TTLL4: variants seen among roughly 807,000 people sequenced by gnomAD.
The protein encoded by TTLL4 is tubulin monoglutamylase TTLL4.
A neutral mutation model predicts 122.7 loss-of-function variants in TTLL4; 85 were observed. That is an observed-to-expected ratio of 0.69 (90% confidence interval 0.58 to 0.83). The LOEUF (loss-of-function observed/expected upper bound fraction) is 0.83, where lower values mean the gene tolerates loss of function less well. Ranked by LOEUF, TTLL4 falls within the 40% of genes least tolerant of loss-of-function variation. The pLI, the probability that TTLL4 is intolerant of heterozygous loss-of-function variation, is 0.00. For synonymous variants in TTLL4, 553 were observed against 563.0 expected (o/e 0.98, Z 0.25); for missense variants, 1,363 against 1,488.6 (o/e 0.92, Z 1.39).
intron 2 of TTLL4, among the ~76,000 whole-genome samples, chr2:218,734,034 A>G (rs1005356641): frequency 6.6e-6 from 1 of 152,220 alleles, no homozygotes; most frequent in African/African-American, 2.4e-5. Flanking sequence ...CTGGTACCTA[A>G]AGATTAAAGA....
At position 218,737,730 on chromosome 2, in the gene TTLL4, C is replaced by T. The variant is rs771930908; in HGVS notation, c.54C>T (p.Ser18=). Residue 18 remains serine, a synonymous_variant, in exon 3 of 20, where the codon AGC becomes AGT. Transcript: ENST00000392102. ...GTATTGGCCTCCGCCAGAAAAACAG[C>T]TTCAAGCAGAGTGGTCCCTCAGGCA... ...HYSIGLRQKN[S]FKQSGPSGTV... 3 of 1,613,820 alleles carry T rather than the reference C, an allele frequency of 1.9e-6. No homozygotes were observed. The highest frequency in any genetic ancestry group is 3.3e-5 in the Admixed American group (2 of 59,996).
At position 218,714,740 on chromosome 2, in the gene TTLL4, G is replaced by GAT. The variant is rs141755991; in HGVS notation, c.-178+3718_-178+3719dup. ...TGGAATCTTCAGTTAAAAAAAAAGG[G>GAT]ATATATATATATATATTTCAATATT... On this transcript the variant is annotated intron_variant, in intron 1 of 19. Transcript: ENST00000392102. Among the ~76,000 whole-genome samples, 698 of 149,304 alleles carry GAT rather than the reference G, an allele frequency of 4.7e-3. 5 individuals are homozygous for GAT. The highest frequency in any genetic ancestry group is 0.014 in the African/African-American group (578 of 40,698).
chr2:218,753,636 A>T lies in TTLL4; in HGVS notation c.3311A>T (p.Asn1104Ile). The T allele has an allele frequency of 2.5e-6, 4 of 1,614,144 alleles. No individual in the cohort carries two copies. The highest frequency in any genetic ancestry group is 3.4e-6 in the Non-Finnish European group (4 of 1,180,036). The change falls in exon 19 of 20, where the codon AAT (asparagine) becomes ATT (isoleucine). Residue 1104 changes from asparagine (N) to isoleucine (I), a missense_variant. Asn to Ile is a moderately radical substitution (Grantham distance 149, BLOSUM62 -3). Transcript: ENST00000392102. ...ATCTCAAAGGATGACGTGATACTCA[A>T]TGCCTTCAGCAAATCAGAGACTAGC... ...LTISKDDVIL[N>I]AFSKSETSKL... is the part of the protein sequence containing the mutation.
intron 2 of TTLL4, among the ~76,000 whole-genome samples, chr2:218,730,336 A>AG (rs1942339755): frequency 6.9e-6 from 1 of 144,256 alleles, no homozygotes; most frequent in African/African-American, 2.6e-5. Flanking sequence ...AAAAAAAAAA[A>AG]AAAAAAAAAA....
chr2:218,743,735 A>G (rs1942765903), intron 5 of TTLL4, among the ~76,000 whole-genome samples: 1 of 152,164 alleles, frequency 6.6e-6, no homozygotes, highest in Non-Finnish European at 1.5e-5. Context: ...GCCGGAGTGC[A>G]ATGGCGTGAT....
chr2:218,749,479 T>C lies in TTLL4; in HGVS notation c.2735+92T>C, dbSNP rs2106457468. On this transcript the variant is annotated intron_variant, in intron 14 of 19. Coordinates refer to ENST00000392102, the MANE Select transcript of TTLL4 (RefSeq NM_014640.5). Reference sequence around the variant, plus strand: ...CCAGTAAGTTGTTCTTTTTTTTTTTTTTTCTTTGAGATGGAGTCTCGCTCT... The same window carrying C: ...CCAGTAAGTTGTTCTTTTTTTTTTTCTTTCTTTGAGATGGAGTCTCGCTCT... 3.9e-6 allele frequency: 6 copies of C among 1,528,148 alleles called. No homozygotes were observed. In the African/African-American group the frequency reaches 7.0e-5, roughly 18 times the overall value. 94.7% of individuals were successfully genotyped at this position (1,528,148 alleles called of 1,614,324 possible).
Position 218,747,100 on chromosome 2 carries a change from GT to G in TTLL4, c.2075del (p.Phe692SerfsTer29). 1 of 1,614,214 alleles carries G rather than the reference GT, an allele frequency of 6.2e-7. No homozygotes were observed. Among genetic ancestry groups the G allele is most frequent in the Non-Finnish European group, 8.5e-7 (1 of 1,180,038 alleles). On this transcript the variant is annotated frameshift_variant, in exon 9 of 20. Coordinates refer to ENST00000392102, the MANE Select transcript of TTLL4 (RefSeq NM_014640.5). LOFTEE classifies it high-confidence loss of function. The surrounding 1 kb of genome is among the most constrained non-coding windows in gnomAD (Gnocchi z 4.7). ...AGCCGCTTTGGCAAGAAGGAGTTCA[GT>G]TTCTTCCCCCAGTCCTTTATCCTGC... is the stretch of plus-strand genomic sequence containing the variant. ...MQSRFGKKEF[S>X]FFPQSFILPQ...
chr2:218,746,918 G>A, intron 8 of TTLL4, 85 bp from the exon 9 acceptor site: 1 of 1,454,862 alleles, frequency 6.9e-7, no homozygotes, highest in African/African-American at 1.4e-5. Flanking sequence ...TGCTAAAGAA[G>A]TTGGAATGGT....
In TTLL4 at chr2:218,730,507, C is replaced by T. The variant is rs150861328; in HGVS notation, c.-99+3160C>T. ...TGGGCAACAGAGCGAGACGCTGTCTCAAAGTAAATAAATAAATAAATAAAT... is the reference window on the plus strand; with the variant it reads ...TGGGCAACAGAGCGAGACGCTGTCTTAAAGTAAATAAATAAATAAATAAAT... On this transcript the variant is annotated intron_variant, in intron 2 of 19. Coordinates refer to ENST00000392102, the MANE Select transcript of TTLL4 (RefSeq NM_014640.5). 3.2e-3 allele frequency among the ~76,000 whole-genome samples: 479 copies of T among 151,284 alleles called. 1 individual carries two copies. Among genetic ancestry groups the T allele is most frequent in the African/African-American group, 0.011 (458 of 41,290 alleles).
At chr2:218,757,226 A>G (rs938581417), downstream of TTLL4, among the ~76,000 whole-genome samples, 1 of 152,192 alleles carries the variant, frequency 6.6e-6, no homozygotes, top group Non-Finnish European at 1.5e-5. Flanking sequence ...CCTCTCCTCC[A>G]GGAGGTGGAG....
Position 218,747,230 on chromosome 2 carries a change from G to T in TTLL4, c.2166+36G>T, listed in dbSNP as rs1490254448. 1.9e-6 allele frequency: 3 copies of T among 1,614,180 alleles called. No individual in the cohort carries two copies. Among genetic ancestry groups the T allele is most frequent in the African/African-American group, 2.7e-5 (2 of 75,066 alleles). On this transcript the variant is annotated intron_variant, in intron 9 of 19. Transcript: ENST00000392102. This position sits in a 1 kb window ranked among gnomAD's most constrained non-coding sequence, Gnocchi z 4.7. ...CACAGTGGGCAGGAGACTATGGTCTGTGAGTGGGAACAACAGAGTATTGGA... is the reference window on the plus strand; with the variant it reads ...CACAGTGGGCAGGAGACTATGGTCTTTGAGTGGGAACAACAGAGTATTGGA...
chr2:218,748,740 G>T, intron 12 of TTLL4, 96 bp from the exon 13 acceptor site: 23 of 954,410 alleles, frequency 2.4e-5, no homozygotes, highest in East Asian at 1.6e-4. Context: ...GAAGAGATAT[G>T]AAGAAAATAC....
Position 218,753,125 on chromosome 2 carries a change from G to A in TTLL4, c.3198G>A (p.Leu1066=), listed in dbSNP as rs1479244283. 1 of 1,613,756 alleles carries A rather than the reference G, an allele frequency of 6.2e-7. No homozygotes were observed. Among genetic ancestry groups the A allele is most frequent in the African/African-American group, 1.3e-5 (1 of 74,858 alleles). Residue 1066 remains leucine, a synonymous_variant, in exon 18 of 20, where the codon CTG becomes CTA. Coordinates refer to ENST00000392102, the MANE Select transcript of TTLL4 (RefSeq NM_014640.5). The part of the protein sequence containing the change: ...YHGNKLKGVD[L]LRSWCYKGFH... ...CTAATCTTGTCCTAGGAGTAGATCT[G>A]CTCCGGAGTTGGTGCTACAAAGGGT...
At chr2:218,749,005 C>T in intron 13 of TTLL4, 71 bp downstream of exon 13, 2 of 1,513,678 alleles carry the variant, frequency 1.3e-6, no homozygotes, top group Non-Finnish European at 9.1e-7. Flanking sequence ...CCTCACACTG[C>T]TGTGCTCTGG....
intron 2 of TTLL4, among the ~76,000 whole-genome samples, chr2:218,731,832 C>G (rs899334881): frequency 6.6e-6 from 1 of 152,180 alleles, no homozygotes; most frequent in African/African-American, 2.4e-5. Flanking sequence ...CTCATGCAGC[C>G]TGGCTGTGAG....
At chr2:218,745,056 T>C (rs1942802818) in intron 5 of TTLL4, 53 bp from the exon 6 acceptor site, 24 of 1,607,716 alleles carry the variant, frequency 1.5e-5, no homozygotes, top group Non-Finnish European at 2.0e-5. Flanking sequence ...TAACGACGCT[T>C]CAGGGCTGTT....
At chr2:218,739,658 A>AGTTG (rs1456305356) in intron 3 of TTLL4, among the ~76,000 whole-genome samples, 1 of 152,222 alleles carries the variant, frequency 6.6e-6, no homozygotes, top group Non-Finnish European at 1.5e-5. Flanking sequence ...GCACACACAT[A>AGTTG]GTTGGCTCCT....
chr2:218,728,897 C>G (rs914546955), intron 2 of TTLL4, among the ~76,000 whole-genome samples: 15 of 148,316 alleles, frequency 1.0e-4, no homozygotes, highest in African/African-American at 3.8e-4. Context: ...TGGGTTGAGG[C>G]ATGGACAGGG....
chr2:218,720,453 T>C (rs1346225542), intron 1 of TTLL4, among the ~76,000 whole-genome samples: 1 of 152,132 alleles, frequency 6.6e-6, no homozygotes, highest in Non-Finnish European at 1.5e-5. Context: ...GCTGATGTGA[T>C]ATTGTGATAT....
Sources: gnomAD v4.1 joint callset for allele counts (sites outside exome capture counted in the v4.1 genomes callset) on GRCh38, gnomAD v4.1.1 for gene constraint, Gnocchi (gnomAD v3.1) non-coding constraint, MANE v1.5 for transcripts, NCBI Gene and HGNC (gene_info 2026-07-23, HGNC 2026-07-21) for gene names.